The following GRIN2C variants were observed in gnomAD, a reference collection of about 807,000 sequenced individuals.
GRIN2C encodes the protein glutamate ionotropic receptor NMDA type subunit 2C.
In GRIN2C, 64 loss-of-function variants were observed where a neutral mutation model predicts 77.7. That is an observed-to-expected ratio of 0.82 (90% CI 0.67 to 1.01). GRIN2C has a LOEUF of 1.01. GRIN2C is among the 50% of genes least tolerant of loss of function. The probability of loss-of-function intolerance (pLI) is 0.00; values close to 1 mark genes in which losing one functional copy is unlikely to be tolerated. For missense variants in GRIN2C, 1,549 were observed against 1,486.0 expected (o/e 1.04, Z -0.70); for synonymous variants, 792 against 643.4 (o/e 1.23, Z -3.49).
intron 1 of GRIN2C, among the ~76,000 whole-genome samples, chr17:74,857,659 T>G (rs545585921): frequency 5.9e-5 from 9 of 152,308 alleles, no homozygotes; most frequent in Admixed American, 5.2e-4. Context: ...AGAGGTTCCT[T>G]GCCCTCTGGG....
chr17:74,847,226 C>T lies in GRIN2C; in HGVS notation c.2001+82G>A, dbSNP rs2037484348. The T allele has an allele frequency of 4.6e-6, 5 of 1,092,642 alleles. No individual in the cohort carries two copies. The highest frequency in any genetic ancestry group is 1.5e-5 in the African/African-American group (1 of 65,002). The allele number at this position is 1,092,642 out of a possible 1,614,324, so 67.7% of individuals were successfully genotyped here. ...GCCTCCAGGTCAAATTCCCCAGACT[C>T]GACTGTCCAGGGCCTGCCCACTCAC... On this transcript the variant is annotated intron_variant, in intron 9 of 12. Transcript: ENST00000293190. The surrounding 1 kb of genome is among the most constrained non-coding windows in gnomAD (Gnocchi z 5.2).
chr17:74,842,876 G>T lies in GRIN2C; in HGVS notation c.3261C>A (p.Ala1087=), dbSNP rs1050405812. 2 of 564,518 alleles carry T rather than the reference G, an allele frequency of 3.5e-6. No homozygotes were observed. Among genetic ancestry groups the T allele is most frequent in the South Asian group, 2.2e-5 (1 of 45,942 alleles). 35.0% of individuals were successfully genotyped at this position (564,518 alleles called of 1,614,324 possible). A position where few individuals can be genotyped will look rare whatever the true frequency, so the allele number is the denominator to read the frequency against. ...PRHASLPSSV[A]EAFARPSSLP... ...GCGAGCTGGGCCGAGCGAAGGCCTC[G>T]GCCACGGAGCTGGGCAGGGAAGCGT... is the stretch of plus-strand genomic sequence containing the variant. Residue 1087 remains alanine (A), a synonymous_variant, in exon 13 of 13, where the codon GCC becomes GCA. Transcript: ENST00000293190.
rs976056795 is a variant in GRIN2C at position 74,846,325 on chromosome 17, A to G, written c.2163-72T>C. The stretch of plus-strand genomic sequence containing the variant: ...GGGGACACCGAAACTGGGGCGTGAC[A>G]GGGGTCTAAACCACATGAGCCTGCT... On this transcript the variant is annotated intron_variant, in intron 10 of 12. Coordinates refer to ENST00000293190, the MANE Select transcript of GRIN2C (RefSeq NM_000835.6). The surrounding 1 kb of genome is among the most constrained non-coding windows in gnomAD (Gnocchi z 4.4). 5.8e-6 allele frequency: 8 copies of G among 1,374,800 alleles called. No individual in the cohort carries two copies. The African/African-American group carries it at 1.0e-4, about 18-fold the overall frequency. 85.2% of individuals were successfully genotyped at this position (1,374,800 alleles called of 1,614,324 possible).
Position 74,851,707 on chromosome 17 carries a change from G to C in GRIN2C, c.999-16C>G, listed in dbSNP as rs762668745. On this transcript the variant is annotated splice_polypyrimidine_tract_variant and intron_variant, in intron 3 of 12. Transcript: ENST00000293190. ...CAGTAGGTGCCTGCCAGAGGGGAGA[G>C]ATGCCTGCAGCCCTGCCAAGGACCA... 1 of 1,465,146 alleles carries C rather than the reference G, an allele frequency of 6.8e-7. No individual in the cohort carries two copies. The highest frequency in any genetic ancestry group is 9.4e-7 in the Non-Finnish European group (1 of 1,068,458). 90.8% of individuals were successfully genotyped at this position (1,465,146 alleles called of 1,614,324 possible).
At position 74,849,888 on chromosome 17, in the gene GRIN2C, T is replaced by G; in HGVS notation, c.1537A>C (p.Asn513His). 2 of 1,613,186 alleles carry G rather than the reference T, an allele frequency of 1.2e-6. No individual in the cohort carries two copies. The highest frequency in any genetic ancestry group is 8.5e-7 in the Non-Finnish European group (1 of 1,179,496). The change falls in exon 7 of 13, where the codon AAT becomes CAT. Residue 513 changes from asparagine to histidine, a missense_variant. By Grantham distance (68) the Asn-to-His change is moderately conservative. Transcript: ENST00000293190. The surrounding 1 kb of genome is among the most constrained non-coding windows in gnomAD (Gnocchi z 4.6). Reference protein sequence around the residue: ...ADMAIGSLTINEERSEIVDFS... With the variant: ...ADMAIGSLTIHEERSEIVDFS... ...TCTACGATCTCGGAGCGTTCCTCATTGATGGTGAGGGAGCCGATGGCCATG... is the reference window on the plus strand; with the variant it reads ...TCTACGATCTCGGAGCGTTCCTCATGGATGGTGAGGGAGCCGATGGCCATG...
rs1598484082 is a variant in GRIN2C, at chr17:74,850,424, G to T, written c.1326-53C>A. 37 of 1,591,152 alleles carry T rather than the reference G, an allele frequency of 2.3e-5. No individual in the cohort carries two copies. The highest frequency in any genetic ancestry group is 2.6e-5 in the Non-Finnish European group (31 of 1,170,030). On this transcript the variant is annotated intron_variant, in intron 5 of 12. Coordinates refer to ENST00000293190, the MANE Select transcript of GRIN2C (RefSeq NM_000835.6). The surrounding 1 kb of genome is among the most constrained non-coding windows in gnomAD (Gnocchi z 5.3). ...GGGAGTCAGAGTATGTCGTGGCCCAGCCCCGCCCCAGCCACTCCTCCAGCC... is the reference window on the plus strand; with the variant it reads ...GGGAGTCAGAGTATGTCGTGGCCCATCCCCGCCCCAGCCACTCCTCCAGCC...
At chr17:74,843,932 G>A (rs1567887843) in intron 12 of GRIN2C, 3 of 476,826 alleles carry the variant, frequency 6.3e-6, no homozygotes, top group Non-Finnish European at 1.1e-5. Flanking sequence ...GGAGTGCAGT[G>A]GTGCCATCTC....
Position 74,850,519 on chromosome 17 carries a change from C to A in GRIN2C, c.1325+37G>T. 2 of 1,599,434 alleles carry A rather than the reference C, an allele frequency of 1.3e-6. No homozygotes were observed. Among genetic ancestry groups the A allele is most frequent in the East Asian group, 2.2e-5 (1 of 44,790 alleles). ...GACACCTGACCATCACACGGCAGCA[C>A]CCAGCTCACACTAGCCTCCCAGGGC... On this transcript the variant is annotated intron_variant, in intron 5 of 12. Coordinates refer to ENST00000293190, the MANE Select transcript of GRIN2C (RefSeq NM_000835.6). The surrounding 1 kb of genome is among the most constrained non-coding windows in gnomAD (Gnocchi z 5.3).
intron 12 of GRIN2C, 197 bp downstream of exon 12, chr17:74,844,079 G>T: frequency 8.9e-7 from 1 of 1,122,066 alleles, no homozygotes; most frequent in Non-Finnish European, 1.2e-6. Context: ...TCGCCATGTT[G>T]CCCAGGCTGG....
At position 74,852,135 on chromosome 17, in the gene GRIN2C, G is replaced by T; in HGVS notation, c.876C>A (p.Gly292=). 6.9e-7 allele frequency: 1 copy of T among 1,454,962 alleles called. No homozygotes were observed. Among genetic ancestry groups the T allele is most frequent in the South Asian group, 1.4e-5 (1 of 73,174 alleles). The allele number at this position is 1,454,962 out of a possible 1,614,324, so 90.1% of individuals were successfully genotyped here. ...RLSLRQKVRD[G]VAILALGAHS... ...GGGCGCCCAGGGCCAGAATGGCCACGCCGTCGCGCACCTTCTGGCGCAGGC... is the reference window on the plus strand; with the variant it reads ...GGGCGCCCAGGGCCAGAATGGCCACTCCGTCGCGCACCTTCTGGCGCAGGC... Residue 292 remains glycine (G), a synonymous_variant, in exon 3 of 13, where the codon GGC becomes GGA. Coordinates refer to ENST00000293190, the MANE Select transcript of GRIN2C (RefSeq NM_000835.6).
At chr17:74,860,583 A>C, upstream of GRIN2C, 1 of 443,036 alleles carries the variant, frequency 2.3e-6, no homozygotes, top group South Asian at 1.6e-5. Flanking sequence ...GCCGTCGGGG[A>C]TCCTGGGCGA....
intron 3 of GRIN2C, 116 bp from the exon 4 acceptor site, chr17:74,851,807 T>C: frequency 1.4e-6 from 1 of 738,974 alleles, no homozygotes. Flanking sequence ...TCAAAGTGCT[T>C]CCCTATATTG....
In GRIN2C at chr17:74,856,830, C is replaced by T. The variant is rs141115327; in HGVS notation, c.-15-1723G>A. 2.1e-4 allele frequency among the ~76,000 whole-genome samples: 32 copies of T among 152,148 alleles called. 1 individual carries two copies. Among genetic ancestry groups the T allele is most frequent in the African/African-American group, 7.0e-4 (29 of 41,514 alleles). On this transcript the variant is annotated intron_variant, in intron 1 of 12. Coordinates refer to ENST00000293190, the MANE Select transcript of GRIN2C (RefSeq NM_000835.6). ...GCCTAATGTCTTACAGACATATGGG[C>T]CTTCTTGTATCTCTAGTTCTCTCTA... is the stretch of plus-strand genomic sequence containing the variant.
Position 74,852,571 on chromosome 17 carries a change from T to G in GRIN2C, c.440A>C (p.Glu147Ala). Reference protein sequence around the residue: ...SAFLQLGVSLEQQLQVLFKVL... With the variant: ...SAFLQLGVSLAQQLQVLFKVL... ...CTTGAACAGCACCTGCAGCTGCTGC[T>G]CCAGGGACACGCCCAGCTGCAGGAA... Residue 147 changes from glutamate (E) to alanine (A), a missense_variant, in exon 3 of 13, where the codon GAG becomes GCG. By Grantham distance (107) the Glu-to-Ala change is moderately radical. This residue lies in a region of GRIN2C where 382 missense variants were observed against 360.0 expected (regional missense o/e 1.06). Coordinates refer to ENST00000293190, the MANE Select transcript of GRIN2C (RefSeq NM_000835.6). The G allele has an allele frequency of 6.7e-7, 1 of 1,482,438 alleles. No individual in the cohort carries two copies. Among genetic ancestry groups the G allele is most frequent in the Non-Finnish European group, 9.0e-7 (1 of 1,116,980 alleles). The allele number at this position is 1,482,438 out of a possible 1,614,324, so 91.8% of individuals were successfully genotyped here.
intron 1 of GRIN2C, among the ~76,000 whole-genome samples, chr17:74,857,420 G>T (rs2037846124): frequency 6.6e-6 from 1 of 152,200 alleles, no homozygotes; most frequent in Non-Finnish European, 1.5e-5. Flanking sequence ...ATCTTCCCAT[G>T]TGTACGGTTC....
intron 2 of GRIN2C, chr17:74,853,367 G>A (rs1357013662): frequency 6.6e-6 from 1 of 152,236 alleles, no homozygotes; most frequent in East Asian, 1.9e-4. Flanking sequence ...GGGGCCCAGA[G>A]GTTGAGAGAA....
chr17:74,842,954 G>C lies in GRIN2C; in HGVS notation c.3183C>G (p.Ala1061=), dbSNP rs2144534487. The C allele has an allele frequency of 1.8e-6, 1 of 546,958 alleles. No individual in the cohort carries two copies. Among genetic ancestry groups the C allele is most frequent in the Non-Finnish European group, 3.2e-6 (1 of 313,788 alleles). 33.9% of individuals were successfully genotyped at this position (546,958 alleles called of 1,614,324 possible). Residue 1061 remains alanine (A), a synonymous_variant, in exon 13 of 13, where the codon GCC becomes GCG. Coordinates refer to ENST00000293190, the MANE Select transcript of GRIN2C (RefSeq NM_000835.6). ...CCGCGTGCAGCAGGGCCTCCCGCCG[G>C]GCCAGCTGCTCCGGACCGAGCAGCG... is the stretch of plus-strand genomic sequence containing the variant. ...DLPLLGPEQL[A]RREALLHAAW...
At chr17:74,851,495 T>C (rs991152310) in intron 4 of GRIN2C, 82 bp downstream of exon 4, 1 of 759,158 alleles carries the variant, frequency 1.3e-6, no homozygotes, top group Non-Finnish European at 2.3e-6. Context: ...ACAGAGGGAC[T>C]CTCTGCTCAG....
rs544966011 is a variant in GRIN2C, at chr17:74,844,669, G to C, written c.2351-161C>G. ...TGGGGATCCAGCCTGGCTGGAGCAG[G>C]ATGGTGGGGCGGGGAGTGGAGGGTC... On this transcript the variant is annotated intron_variant, in intron 11 of 12. Transcript: ENST00000293190. Among the ~76,000 whole-genome samples, 128 of 152,294 alleles carry C rather than the reference G, an allele frequency of 8.4e-4. 1 individual carries two copies. The highest frequency in any genetic ancestry group is 1.6e-3 in the Non-Finnish European group (109 of 68,030).
Sources: gnomAD v4.1 joint callset for allele counts (sites outside exome capture counted in the v4.1 genomes callset) on GRCh38, gnomAD v4.1.1 for gene constraint, gnomAD v4.1.1 regional missense constraint, Gnocchi (gnomAD v3.1) non-coding constraint, MANE v1.5 for transcripts, NCBI Gene and HGNC (gene_info 2026-07-23, HGNC 2026-07-21) for gene names.